Variants in ANTXR1 observed in about 807,000 individuals in gnomAD.
The protein encoded by ANTXR1 is anthrax toxin receptor 1.
In ANTXR1, 19 loss-of-function variants were observed where a neutral mutation model predicts 78.1. The observed-to-expected ratio is 0.24, with a 90% CI of 0.17 to 0.36. The LOEUF (loss-of-function observed/expected upper bound fraction) is 0.36. Among genes scored for constraint, ANTXR1 ranks in the 10% least tolerant of loss-of-function variants. ANTXR1 has a pLI of 1.00. For synonymous variants in ANTXR1, 273 were observed against 260.5 expected (o/e 1.05, Z -0.46); for missense variants, 518 against 718.6 (o/e 0.72, Z 3.19).
At chr2:69,146,205 T>C in intron 12 of ANTXR1, 2 of 985,318 alleles carry the variant, frequency 2.0e-6, no homozygotes, top group Admixed American at 6.1e-5. Flanking sequence ...AAACTATTCA[T>C]TGAAGAAAAT....
rs372305664 is a variant in ANTXR1 at position 69,163,574 on chromosome 2, T to C, written c.1048-6674T>C. ...CTCTTATATCTTTACAAACATCTCCTGCACAGGCTGAAGGCTTTCCTCCCT... is the reference window on the plus strand; with the variant it reads ...CTCTTATATCTTTACAAACATCTCCCGCACAGGCTGAAGGCTTTCCTCCCT... On this transcript the variant is annotated intron_variant, in intron 13 of 17. Coordinates refer to ENST00000303714, the MANE Select transcript of ANTXR1 (RefSeq NM_032208.3). Among the ~76,000 whole-genome samples, 21 of 152,354 alleles carry C rather than the reference T, an allele frequency of 1.4e-4. 1 individual carries two copies. Among genetic ancestry groups the C allele is most frequent in the African/African-American group, 4.8e-4 (20 of 41,580 alleles).
chr2:69,149,468 AATAT>A (rs1673327669), intron 12 of ANTXR1, among the ~76,000 whole-genome samples: 1 of 152,224 alleles, frequency 6.6e-6, no homozygotes, highest in African/African-American at 2.4e-5. Flanking sequence ...ATTCCCCCAA[AATAT>A]ATCAGCCCTT....
intron 17 of ANTXR1, among the ~76,000 whole-genome samples, chr2:69,244,532 G>T (rs967033634): frequency 2.0e-5 from 3 of 152,194 alleles, no homozygotes; most frequent in African/African-American, 7.2e-5. Context: ...AGTAGAGATA[G>T]CTGCCTCCTT....
rs1476099769 is a variant in ANTXR1 at position 69,194,802 on chromosome 2, G to A, written c.1434+1387G>A. On this transcript the variant is annotated intron_variant, in intron 17 of 17. Transcript: ENST00000303714. ...CAGGAGGTGGAGGTTGCAGTGAGCC[G>A]AGATCGCACCACTGCTCCAGCCTGG... 3.3e-5 allele frequency among the ~76,000 whole-genome samples: 5 copies of A among 152,212 alleles called. No homozygotes were observed. The South Asian group carries it at 8.3e-4, about 25-fold the overall frequency.
rs1291165263 is a variant in ANTXR1 at position 69,151,193 on chromosome 2, T to TTC, written c.952-975_952-974insCT. Among the ~76,000 whole-genome samples, 8 of 142,488 alleles carry TTC rather than the reference T, an allele frequency of 5.6e-5. No individual in the cohort carries two copies. The East Asian group carries it at 1.0e-3, about 18-fold the overall frequency. 93.5% of individuals were successfully genotyped at this position (142,488 alleles called of 152,430 possible). On this transcript the variant is annotated intron_variant, in intron 12 of 17. Transcript: ENST00000303714. ...AACATATCTGATTATTTTCTTTTTT[T>TTC]TTTTTTTTTTTTTTTTGAGACGGAG...
intron 14 of ANTXR1, among the ~76,000 whole-genome samples, chr2:69,177,782 A>G (rs1170734065): frequency 1.3e-5 from 2 of 152,058 alleles, no homozygotes; most frequent in Non-Finnish European, 2.9e-5. Context: ...ACAACCCCTG[A>G]CGGAATATTA....
chr2:69,094,483 A>G lies in ANTXR1; in HGVS notation c.703+3564A>G, dbSNP rs74859841. Among the ~76,000 whole-genome samples, 157 of 152,376 alleles carry G rather than the reference A, an allele frequency of 1.0e-3. 2 individuals carry two copies. The East Asian group carries it at 0.024, about 24-fold the overall frequency. On this transcript the variant is annotated intron_variant, in intron 9 of 17. Transcript: ENST00000303714. ...ACATATAATGGTGGGACCAATCCCT[A>G]GACAGATATGTAAAGAAGGTAAACT...
chr2:69,203,359 G>A (rs1359178593), intron 17 of ANTXR1, among the ~76,000 whole-genome samples: 1 of 152,170 alleles, frequency 6.6e-6, no homozygotes, highest in East Asian at 1.9e-4. Flanking sequence ...CCTCTCCTTT[G>A]CTGTCTCATT....
chr2:69,099,491 CTG>C (rs1482606571), intron 9 of ANTXR1, among the ~76,000 whole-genome samples: 1 of 152,174 alleles, frequency 6.6e-6, no homozygotes, highest in Non-Finnish European at 1.5e-5. Flanking sequence ...CATAAGGTAA[CTG>C]TGTTTAACTT....
intron 16 of ANTXR1, among the ~76,000 whole-genome samples, chr2:69,186,054 C>A (rs1197665565): frequency 6.6e-6 from 1 of 152,002 alleles, no homozygotes; most frequent in African/African-American, 2.4e-5. Context: ...GCTTTGAATC[C>A]CCAGTAAACA....
Position 69,030,161 on chromosome 2 carries a change from T to C in ANTXR1, c.153-9883T>C, listed in dbSNP as rs186894659. ...GGTAAAATGCTCAGTCTTTCAAATG[T>C]TGCCTTTCCCTCACCAATAGAATCT... On this transcript the variant is annotated intron_variant, in intron 1 of 17. Coordinates refer to ENST00000303714, the MANE Select transcript of ANTXR1 (RefSeq NM_032208.3). Among the ~76,000 whole-genome samples, 388 of 152,300 alleles carry C rather than the reference T, an allele frequency of 2.5e-3. 2 individuals carry two copies. Among genetic ancestry groups the C allele is most frequent in the Admixed American group, 3.3e-3 (50 of 15,304 alleles).
intron 1 of ANTXR1, among the ~76,000 whole-genome samples, chr2:69,022,802 C>T (rs1322431987): frequency 6.6e-6 from 1 of 152,210 alleles, no homozygotes; most frequent in Non-Finnish European, 1.5e-5. Context: ...AGGCAGCACA[C>T]ACCTTGGAGC....
rs1676026185 is a variant in ANTXR1 at position 69,246,540 on chromosome 2, A to T, written c.*1055A>T. ...ACAGACTTCTGGGCAGAGCTGAGAG[A>T]CAATGGTCCTGACATAATAAGGATC... On this transcript the variant is annotated 3_prime_UTR_variant, in exon 18 of 18. Transcript: ENST00000303714. 6.6e-6 allele frequency: 1 copy of T among 152,124 alleles called. No homozygotes were observed. The allele number at this position is 152,124 out of a possible 1,614,324, so 9.4% of individuals were successfully genotyped here.
chr2:69,111,625 T>A (rs1318627382), intron 10 of ANTXR1, among the ~76,000 whole-genome samples: 1 of 152,254 alleles, frequency 6.6e-6, no homozygotes, highest in Non-Finnish European at 1.5e-5. Context: ...GGCATGGCTC[T>A]GGTTTACTTT....
intron 12 of ANTXR1, chr2:69,145,189 G>A (rs1673188187): frequency 1.2e-6 from 1 of 826,214 alleles, no homozygotes; most frequent in African/African-American, 1.7e-5. Flanking sequence ...TGCACAGCCA[G>A]AGGCAGAGTT....
At chr2:69,181,676 AC>A in intron 14 of ANTXR1, 109 bp from the exon 15 acceptor site, 1 of 1,033,864 alleles carries the variant, frequency 9.7e-7, no homozygotes, top group Non-Finnish European at 1.5e-6. Flanking sequence ...CTGGGATTGC[AC>A]CCAGGCAGTC....
intron 12 of ANTXR1, chr2:69,135,128 AC>A (rs1672872288): frequency 1.1e-5 from 4 of 351,492 alleles, no homozygotes; most frequent in Non-Finnish European, 2.4e-5. Flanking sequence ...TATTTTGACA[AC>A]CCTTGTAACC....
intron 7 of ANTXR1, among the ~76,000 whole-genome samples, chr2:69,076,530 G>A (rs938064876): frequency 6.6e-6 from 1 of 152,114 alleles, no homozygotes; most frequent in Non-Finnish European, 1.5e-5. Flanking sequence ...ATCATTAAGT[G>A]AATAAAACAA....
At chr2:69,065,182 T>C (rs12477606) in intron 3 of ANTXR1, among the ~76,000 whole-genome samples, 8,464 of 152,152 alleles carry the variant, frequency 0.056, 272 homozygotes, top group Admixed American at 0.11. Context: ...TCCCAGCACT[T>C]TGGGAGGCCG....
Sources: allele counts gnomAD v4.1 joint callset (sites outside exome capture counted in the v4.1 genomes callset), GRCh38; gene constraint gnomAD v4.1.1; transcripts MANE v1.5; gene names NCBI Gene and HGNC (gene_info 2026-07-23, HGNC 2026-07-21).